SH2D4B: variants seen among roughly 807,000 people sequenced by gnomAD.
The protein encoded by SH2D4B is SH2 domain containing 4B, also known as SH2 domain-containing protein 4B.
Under a neutral mutation model 61.5 loss-of-function variants are expected in SH2D4B, and 45 were observed. That is an observed-to-expected ratio of 0.73 (90% CI 0.58 to 0.94). The LOEUF is 0.94. SH2D4B is among the 40% of genes least tolerant of loss of function. The pLI, the probability that SH2D4B is intolerant of heterozygous loss-of-function variation, is 0.00. For synonymous variants in SH2D4B, 224 were observed against 220.4 expected, an observed-to-expected ratio of 1.02 and a Z score of -0.14; for missense variants, 572 against 574.2, an observed-to-expected ratio of 1.00 and a Z score of 0.04.
intron 1 of SH2D4B, among the ~76,000 whole-genome samples, chr10:80,559,726 C>T (rs1841879488): frequency 6.6e-6 from 1 of 151,022 alleles, no homozygotes; most frequent in African/African-American, 2.4e-5. Flanking sequence ...TAGCCTTGAC[C>T]TCCTGGGCTC....
chr10:80,617,995 C>T (rs1842678758), intron 6 of SH2D4B, among the ~76,000 whole-genome samples: 1 of 152,196 alleles, frequency 6.6e-6, no homozygotes, highest in Non-Finnish European at 1.5e-5. Context: ...TTAGCTAGCC[C>T]TGGGTCATAT....
intron 4 of SH2D4B, among the ~76,000 whole-genome samples, chr10:80,589,777 A>G (rs1842305318): frequency 6.6e-6 from 1 of 152,200 alleles, no homozygotes. Context: ...TAAGCAAGTC[A>G]AAAAGGCTGG....
chr10:80,556,967 C>A (rs1278797314), intron 1 of SH2D4B, among the ~76,000 whole-genome samples: 1 of 152,112 alleles, frequency 6.6e-6, no homozygotes, highest in East Asian at 1.9e-4. Context: ...AACAACCTTG[C>A]CTGTTCCTAA....
rs866734349 is a variant in SH2D4B, at chr10:80,572,548, T to C, written c.495+970T>C. 2.6e-5 allele frequency among the ~76,000 whole-genome samples: 4 copies of C among 152,216 alleles called. No homozygotes were observed. The South Asian group carries it at 8.3e-4, about 32-fold the overall frequency. On this transcript the variant is annotated intron_variant, in intron 3 of 7. Coordinates refer to ENST00000646907, the MANE Select transcript of SH2D4B (RefSeq NM_001388272.1). ...TCCCATTAAAAAAATTTTAAAACTT[T>C]GTTTTGCCCCATACTAATTAGACAG...
chr10:80,538,607 G>T lies in SH2D4B; in HGVS notation c.184+92G>T. On this transcript the variant is annotated intron_variant, in intron 1 of 7. Coordinates refer to ENST00000646907, the MANE Select transcript of SH2D4B (RefSeq NM_001388272.1). The surrounding 1 kb of genome is among the most constrained non-coding windows in gnomAD (Gnocchi z 4.8). ...CCAGGCTGTGCCCTTCTTCAAGATG[G>T]GCACTGGGGTGATGAGGGCTGGGGG... The T allele has an allele frequency of 4.6e-6, 5 of 1,094,806 alleles. No homozygotes were observed. Among genetic ancestry groups the T allele is most frequent in the Non-Finnish European group, 6.0e-6 (5 of 834,054 alleles). The allele number at this position is 1,094,806 out of a possible 1,614,324, so 67.8% of individuals were successfully genotyped here.
At chr10:80,565,886 C>G (rs1394288717) in intron 1 of SH2D4B, among the ~76,000 whole-genome samples, 1 of 151,728 alleles carries the variant, frequency 6.6e-6, no homozygotes, top group Non-Finnish European at 1.5e-5. Flanking sequence ...GTCAGGAGAT[C>G]AAGACCATCC....
chr10:80,588,927 G>A (rs900285709), intron 4 of SH2D4B, 150 bp downstream of exon 4: 3 of 856,208 alleles, frequency 3.5e-6, no homozygotes, highest in Non-Finnish European at 5.3e-6. Context: ...GTCCTGCTAA[G>A]AATTTAGAGG....
intron 4 of SH2D4B, among the ~76,000 whole-genome samples, chr10:80,589,907 G>C (rs987712608): frequency 6.6e-6 from 1 of 152,216 alleles, no homozygotes; most frequent in African/African-American, 2.4e-5. Context: ...CAAGAAGCTA[G>C]GTGGGGAAGG....
intron 3 of SH2D4B, among the ~76,000 whole-genome samples, chr10:80,576,000 G>A (rs1310972498): frequency 1.3e-5 from 2 of 152,168 alleles, no homozygotes; most frequent in African/African-American, 4.8e-5. Flanking sequence ...TCTCCTAACC[G>A]TGAAAGCACC....
chr10:80,544,290 A>T (rs916434501), intron 1 of SH2D4B, among the ~76,000 whole-genome samples: 4 of 152,170 alleles, frequency 2.6e-5, no homozygotes, highest in Non-Finnish European at 5.9e-5. Flanking sequence ...TTCACTCCTG[A>T]GCCAGCGAGA....
chr10:80,606,398 C>T (rs1842520400), intron 5 of SH2D4B, among the ~76,000 whole-genome samples: 1 of 151,764 alleles, frequency 6.6e-6, no homozygotes, highest in Non-Finnish European at 1.5e-5. Flanking sequence ...GGCTGGAGTG[C>T]AGTGGTGGTC....
intron 3 of SH2D4B, among the ~76,000 whole-genome samples, chr10:80,578,015 G>A (rs901506152): frequency 6.6e-6 from 1 of 151,282 alleles, no homozygotes; most frequent in Non-Finnish European, 1.5e-5. Flanking sequence ...CTGTTACCCA[G>A]GCCAGAGTGC....
chr10:80,540,994 G>C, intron 1 of SH2D4B: 2 of 1,131,090 alleles, frequency 1.8e-6, no homozygotes, highest in South Asian at 2.6e-5. Context: ...AAGAACTCGG[G>C]AATGAGTCAG....
At chr10:80,628,175 A>G (rs1208490735) in intron 6 of SH2D4B, among the ~76,000 whole-genome samples, 1 of 152,086 alleles carries the variant, frequency 6.6e-6, no homozygotes, top group Non-Finnish European at 1.5e-5. Context: ...ATCCAGGGGG[A>G]GAGAGAGATC....
intron 6 of SH2D4B, among the ~76,000 whole-genome samples, chr10:80,625,950 T>C (rs954463084): frequency 6.6e-6 from 1 of 152,220 alleles, no homozygotes; most frequent in Non-Finnish European, 1.5e-5. Context: ...GCTGACTCTA[T>C]ATATCTTTAC....
At chr10:80,591,395 T>C (rs1740499308) in intron 4 of SH2D4B, among the ~76,000 whole-genome samples, 3 of 152,006 alleles carry the variant, frequency 2.0e-5, no homozygotes. Flanking sequence ...AAGTCTGAGA[T>C]TGAGGGGCTG....
chr10:80,639,144 T>C (rs998274191), intron 7 of SH2D4B, among the ~76,000 whole-genome samples: 2 of 152,262 alleles, frequency 1.3e-5, no homozygotes, highest in Admixed American at 1.3e-4. Context: ...CACTGTGGTC[T>C]GAGAGACAGT....
chr10:80,612,886 A>G (rs1197263593), intron 6 of SH2D4B, among the ~76,000 whole-genome samples: 1 of 152,250 alleles, frequency 6.6e-6, no homozygotes, highest in African/African-American at 2.4e-5. Context: ...TATGGGGTCC[A>G]TTCTAGAACT....
chr10:80,614,026 G>A (rs541584861), intron 6 of SH2D4B, among the ~76,000 whole-genome samples: 8 of 152,310 alleles, frequency 5.3e-5, no homozygotes, highest in African/African-American at 1.9e-4. Flanking sequence ...GAAAGGAGAA[G>A]CTGTGGGGAG....
Sources: allele counts gnomAD v4.1 joint callset (sites outside exome capture counted in the v4.1 genomes callset), GRCh38; gene constraint gnomAD v4.1.1; non-coding constraint Gnocchi (gnomAD v3.1); transcripts MANE v1.5; gene names NCBI Gene and HGNC (gene_info 2026-07-23, HGNC 2026-07-21).